EIF4ENIF1: variants seen among roughly 807,000 people sequenced by gnomAD.
EIF4ENIF1 encodes the protein eukaryotic translation initiation factor 4E transporter.
EIF4ENIF1 carries 23 observed loss-of-function variants against 110.5 expected under a neutral mutation model. The ratio of observed to expected loss-of-function variants is 0.21; its 90% confidence interval spans 0.15 to 0.29. The LOEUF is 0.29. Ranked by LOEUF, EIF4ENIF1 falls within the 10% of genes least tolerant of loss-of-function variation. EIF4ENIF1 has a pLI of 1.00. For missense variants in EIF4ENIF1, 1,031 were observed against 1,221.1 expected, an observed-to-expected ratio of 0.84 and a Z score of 2.32; for synonymous variants, 440 against 437.0, an observed-to-expected ratio of 1.01 and a Z score of -0.09.
intron 2 of EIF4ENIF1, among the ~76,000 whole-genome samples, chr22:31,481,323 T>G (rs2051807735): frequency 1.3e-5 from 1 of 77,020 alleles, no homozygotes; most frequent in South Asian, 3.4e-4. Context: ...CCACCACCTC[T>G]GGCAATTTTT....
At chr22:31,441,256 TGAA>T (rs2050286489) in intron 17 of EIF4ENIF1, among the ~76,000 whole-genome samples, 1 of 147,706 alleles carries the variant, frequency 6.8e-6, no homozygotes, top group Non-Finnish European at 1.5e-5. Flanking sequence ...CAAAAAAGAA[TGAA>T]GAATTCTCTG....
At chr22:31,478,597 C>T (rs1284032949) in intron 2 of EIF4ENIF1, among the ~76,000 whole-genome samples, 4 of 150,710 alleles carry the variant, frequency 2.7e-5, no homozygotes, top group Admixed American at 2.0e-4. Context: ...GCGGGCGGAT[C>T]ACGAGGTCAC....
chr22:31,479,887 A>AT (rs1190091714), intron 2 of EIF4ENIF1, among the ~76,000 whole-genome samples: 4 of 151,684 alleles, frequency 2.6e-5, no homozygotes, highest in Admixed American at 2.6e-4. Context: ...AATTTAAAAA[A>AT]TTTTTTGTAG....
chr22:31,446,380 G>C (rs2050478290), intron 14 of EIF4ENIF1, among the ~76,000 whole-genome samples: 1 of 151,714 alleles, frequency 6.6e-6, no homozygotes, highest in Non-Finnish European at 1.5e-5. Context: ...AAGCACGTGA[G>C]AGGGGTTCAG....
At chr22:31,477,093 A>G (rs914540212) in intron 2 of EIF4ENIF1, among the ~76,000 whole-genome samples, 2 of 151,546 alleles carry the variant, frequency 1.3e-5, no homozygotes, top group African/African-American at 4.8e-5. Flanking sequence ...ACCGCGCTCT[A>G]GCCCGAGTGA....
chr22:31,488,534 T>C (rs1381601601), intron 2 of EIF4ENIF1, 89 bp downstream of exon 2: 2 of 1,552,408 alleles, frequency 1.3e-6, no homozygotes, highest in African/African-American at 2.7e-5. Context: ...CAGAATGAGA[T>C]TACCACTTAA....
At chr22:31,454,966 C>T (rs537381618) in intron 9 of EIF4ENIF1, among the ~76,000 whole-genome samples, 170 bp downstream of exon 9, 3 of 152,170 alleles carry the variant, frequency 2.0e-5, no homozygotes, top group East Asian at 1.9e-4. Flanking sequence ...GTGAGATTCT[C>T]AAAGAGGTGG....
In EIF4ENIF1 at chr22:31,462,991, A is replaced by C; in HGVS notation, c.728T>G (p.Leu243Arg). The change falls in exon 6 of 19, where the codon CTA (leucine) becomes CGA (arginine). Residue 243 changes from leucine to arginine, a missense_variant. Leu to Arg is a moderately radical substitution (Grantham distance 102). Coordinates refer to ENST00000330125, the MANE Select transcript of EIF4ENIF1 (RefSeq NM_019843.4). The stretch of plus-strand genomic sequence containing the variant: ...TTTTCTCCCTTTGTGATCTTCTTCT[A>C]GTATCTTATCATCAAAGCCAGTCAG... ...IELTGFDDKILEEDHKGRKRT... is the reference protein window; with the variant it reads ...IELTGFDDKIREEDHKGRKRT... The C allele has an allele frequency of 6.2e-7, 1 of 1,614,108 alleles. No individual in the cohort carries two copies. The highest frequency in any genetic ancestry group is 8.5e-7 in the Non-Finnish European group (1 of 1,180,022).
chr22:31,445,196 CATTCTTG>C (rs937199489), intron 14 of EIF4ENIF1, among the ~76,000 whole-genome samples: 17 of 152,168 alleles, frequency 1.1e-4, no homozygotes, highest in Non-Finnish European at 2.1e-4. Flanking sequence ...GGAGGGCCTT[CATTCTTG>C]GGCTGCCTGT....
chr22:31,473,052 A>G (rs2051441634), intron 2 of EIF4ENIF1, among the ~76,000 whole-genome samples: 1 of 148,542 alleles, frequency 6.7e-6, no homozygotes, highest in Non-Finnish European at 1.5e-5. Flanking sequence ...TGGCTTCCAC[A>G]TATGAGCGAG....
At chr22:31,456,116 G>T in intron 7 of EIF4ENIF1, 129 bp from the exon 8 acceptor site, 2 of 912,426 alleles carry the variant, frequency 2.2e-6, no homozygotes, top group South Asian at 2.1e-5. Flanking sequence ...AATACTCTCA[G>T]AACCTAGGAA....
At chr22:31,447,608 A>G (rs2050515380) in intron 13 of EIF4ENIF1, 43 bp from the exon 14 acceptor site, 2 of 1,549,100 alleles carry the variant, frequency 1.3e-6, no homozygotes, top group Non-Finnish European at 1.7e-6. Flanking sequence ...GAGTAAGGAC[A>G]CCACACTTTC....
rs1414588780 is a variant in EIF4ENIF1, at chr22:31,451,440, A to G, written c.1513-1080T>C. 1.6e-4 allele frequency among the ~76,000 whole-genome samples: 23 copies of G among 141,720 alleles called. 2 individuals carry two copies. The East Asian group carries it at 3.5e-3, about 21-fold the overall frequency. 93.0% of individuals were successfully genotyped at this position (141,720 alleles called of 152,430 possible). On this transcript the variant is annotated intron_variant, in intron 10 of 18. Transcript: ENST00000330125. ...AGGCACATGCCACCACGCCCAGCTA[A>G]TTTTTTTTTTTTTTCAGTAGAGACG...
chr22:31,437,862 G>A (rs1055481908), downstream of EIF4ENIF1: 3 of 152,212 alleles, frequency 2.0e-5, no homozygotes, highest in Admixed American at 6.5e-5. Flanking sequence ...TAAACAGAGG[G>A]TCTATTTCTG....
chr22:31,462,890 C>G (rs1481760827), intron 6 of EIF4ENIF1, 42 bp downstream of exon 6: 2 of 1,601,776 alleles, frequency 1.2e-6, no homozygotes, highest in South Asian at 1.1e-5. Flanking sequence ...GCCTACATCT[C>G]ATTTTAAAAC....
chr22:31,476,525 A>AAG (rs1468236125), intron 2 of EIF4ENIF1, among the ~76,000 whole-genome samples: 3 of 152,214 alleles, frequency 2.0e-5, no homozygotes, highest in East Asian at 3.8e-4. Context: ...TAGGAGGCTA[A>AAG]AGAGAGAGGA....
rs1325170439 is a variant in EIF4ENIF1, at chr22:31,439,805, C to A, written c.*75G>T. The A allele has an allele frequency of 4.5e-6, 7 of 1,568,302 alleles. No individual in the cohort carries two copies. Among genetic ancestry groups the A allele is most frequent in the Non-Finnish European group, 5.1e-6 (6 of 1,165,656 alleles). On this transcript the variant is annotated 3_prime_UTR_variant, in exon 19 of 19. Transcript: ENST00000330125. ...GTGCTCCAAAGTAAAAGCCCATAAA[C>A]CAACCCGAGATGAAGCAGGGTCCTG...
intron 6 of EIF4ENIF1, among the ~76,000 whole-genome samples, chr22:31,461,492 T>A (rs1488517122): frequency 6.6e-6 from 1 of 152,066 alleles, no homozygotes; most frequent in South Asian, 2.1e-4. Context: ...CAGGCTGGAG[T>A]GCAGTAGCAC....
rs180763031 is a variant in EIF4ENIF1 at position 31,462,239 on chromosome 22, T to C, written c.787+693A>G. Among the ~76,000 whole-genome samples, 169 of 152,190 alleles carry C rather than the reference T, an allele frequency of 1.1e-3. 1 individual carries two copies. Among genetic ancestry groups the C allele is most frequent in the Non-Finnish European group, 1.9e-3 (128 of 67,998 alleles). On this transcript the variant is annotated intron_variant, in intron 6 of 18. Transcript: ENST00000330125. ...GGCTCACACCTATAATCCCAGCACT[T>C]TGGGATGCCGAGGCGGGTGATCACC...
Sources: allele counts gnomAD v4.1 joint callset (sites outside exome capture counted in the v4.1 genomes callset), GRCh38; gene constraint gnomAD v4.1.1; transcripts MANE v1.5; gene names NCBI Gene and HGNC (gene_info 2026-07-23, HGNC 2026-07-21).